The following WDR72 variants were observed in gnomAD, a reference collection of about 807,000 sequenced individuals.
WDR72 encodes the protein WD repeat domain 72, also known as WD repeat-containing protein 72.
In WDR72, 120 loss-of-function variants were observed where a neutral mutation model predicts 124.2. The observed-to-expected ratio is 0.97, with a 90% CI of 0.83 to 1.12. The LOEUF is 1.12. Ranked by LOEUF, WDR72 falls within the 50% of genes most tolerant of loss-of-function variation. WDR72 has a pLI of 0.00. For missense variants in WDR72, 1,387 were observed against 1,278.8 expected, an observed-to-expected ratio of 1.08 and a Z score of -1.29; for synonymous variants, 452 against 441.7, an observed-to-expected ratio of 1.02 and a Z score of -0.29.
chr15:53,748,196 A>G (rs1204905307), intron 1 of WDR72, among the ~76,000 whole-genome samples: 1 of 152,164 alleles, frequency 6.6e-6, no homozygotes, highest in African/African-American at 2.4e-5. Context: ...CTAAGTATTC[A>G]TGCTACTAGA....
At chr15:53,683,254 G>A (rs115661868) in intron 13 of WDR72, among the ~76,000 whole-genome samples, 24 of 152,050 alleles carry the variant, frequency 1.6e-4, no homozygotes, top group Admixed American at 1.0e-3. Flanking sequence ...CTTAGAAGGC[G>A]TAAGTTCTGA....
At chr15:53,619,165 A>G (rs1000235136) in intron 14 of WDR72, among the ~76,000 whole-genome samples, 2 of 151,846 alleles carry the variant, frequency 1.3e-5, no homozygotes, top group African/African-American at 4.8e-5. Context: ...CCTACTTATT[A>G]TACTTTGCAT....
At chr15:53,706,383 T>C (rs1008590462) in intron 9 of WDR72, among the ~76,000 whole-genome samples, 1 of 126,250 alleles carries the variant, frequency 7.9e-6, no homozygotes, top group Non-Finnish European at 1.7e-5. Flanking sequence ...TATATATATA[T>C]ATATATATAT....
intron 18 of WDR72, among the ~76,000 whole-genome samples, chr15:53,546,573 G>C (rs1204527688): frequency 6.6e-6 from 1 of 152,042 alleles, no homozygotes; most frequent in Non-Finnish European, 1.5e-5. Context: ...TAGATGACGA[G>C]TTAGTGGGTG....
At chr15:53,731,279 A>G (rs1442259654) in intron 2 of WDR72, among the ~76,000 whole-genome samples, 2 of 152,022 alleles carry the variant, frequency 1.3e-5, no homozygotes, top group African/African-American at 4.8e-5. Flanking sequence ...AGGTTAAGGC[A>G]ACAAACAGCT....
At chr15:53,609,046 G>A (rs1375687680) in intron 17 of WDR72, among the ~76,000 whole-genome samples, 1 of 151,978 alleles carries the variant, frequency 6.6e-6, no homozygotes, top group East Asian at 1.9e-4. Context: ...TGAGGTTATG[G>A]ATACCCCATT....
At chr15:53,751,184 G>A (rs2018764899) in intron 1 of WDR72, among the ~76,000 whole-genome samples, 1 of 151,834 alleles carries the variant, frequency 6.6e-6, no homozygotes, top group African/African-American at 2.4e-5. Context: ...AGAGGTGTGA[G>A]GATCACCTGA....
In WDR72 at chr15:53,514,452, G is replaced by A. The variant is rs1412808841; in HGVS notation, c.*3247C>T. 1.3e-5 allele frequency: 2 copies of A among 151,992 alleles called. No individual in the cohort carries two copies. Among genetic ancestry groups the A allele is most frequent in the Non-Finnish European group, 2.9e-5 (2 of 67,994 alleles). 9.4% of individuals were successfully genotyped at this position (151,992 alleles called of 1,614,324 possible). A position where few individuals can be genotyped will look rare whatever the true frequency, so the allele number is the denominator to read the frequency against. ...TATTATAATGTGCCCTCTAAGGATGGAAGAGAAATAGTATCTTTTCTAAAG... is the reference window on the plus strand; with the variant it reads ...TATTATAATGTGCCCTCTAAGGATGAAAGAGAAATAGTATCTTTTCTAAAG... On this transcript the variant is annotated 3_prime_UTR_variant, in exon 20 of 20. Coordinates refer to ENST00000360509, the MANE Select transcript of WDR72 (RefSeq NM_182758.4).
chr15:53,716,231 G>A (rs2017701713), intron 4 of WDR72, among the ~76,000 whole-genome samples: 1 of 152,086 alleles, frequency 6.6e-6, no homozygotes, highest in Non-Finnish European at 1.5e-5. Flanking sequence ...AAAACATAGG[G>A]TTTAAAATTG....
At chr15:53,600,455 T>C (rs2012994546) in intron 17 of WDR72, among the ~76,000 whole-genome samples, 1 of 152,176 alleles carries the variant, frequency 6.6e-6, no homozygotes, top group Non-Finnish European at 1.5e-5. Flanking sequence ...TATTCTTTTA[T>C]GAGGCAATGT....
chr15:53,728,115 G>A (rs963059849), intron 2 of WDR72, among the ~76,000 whole-genome samples: 21 of 152,178 alleles, frequency 1.4e-4, no homozygotes, highest in Non-Finnish European at 2.8e-4. Flanking sequence ...AAAGAAAGAA[G>A]TTTAATGGAC....
intron 1 of WDR72, among the ~76,000 whole-genome samples, chr15:53,733,784 CA>C (rs1337843896): frequency 4.6e-5 from 7 of 152,006 alleles, no homozygotes; most frequent in African/African-American, 1.5e-4. Flanking sequence ...ATGTTAGTTA[CA>C]AGGGTTAAAA....
intron 18 of WDR72, among the ~76,000 whole-genome samples, chr15:53,558,729 T>C (rs1018230155): frequency 1.3e-5 from 2 of 152,008 alleles, no homozygotes; most frequent in Non-Finnish European, 2.9e-5. Context: ...ATGTAGATGA[T>C]TTCTTGATTT....
chr15:53,673,746 T>A (rs1178766502), intron 13 of WDR72, among the ~76,000 whole-genome samples: 1 of 152,132 alleles, frequency 6.6e-6, no homozygotes, highest in African/African-American at 2.4e-5. Context: ...TCCCAGCACT[T>A]TGGGAGGCCG....
intron 1 of WDR72, among the ~76,000 whole-genome samples, chr15:53,751,226 T>G (rs1176740581): frequency 6.7e-6 from 1 of 150,256 alleles, no homozygotes; most frequent in African/African-American, 2.4e-5. Flanking sequence ...CTGGGCAACA[T>G]AGTGAGACTA....
At chr15:53,522,146 C>T (rs1167547460) in intron 19 of WDR72, among the ~76,000 whole-genome samples, 6 of 151,940 alleles carry the variant, frequency 3.9e-5, no homozygotes, top group Non-Finnish European at 7.4e-5. Flanking sequence ...ATTGGGGTTC[C>T]GAGATGACTT....
At chr15:53,629,823 A>G (rs1595805506) in intron 14 of WDR72, among the ~76,000 whole-genome samples, 1 of 152,096 alleles carries the variant, frequency 6.6e-6, no homozygotes, top group South Asian at 2.1e-4. Context: ...CCAGCAGCCT[A>G]CCAGCCACTG....
At chr15:53,572,529 G>C (rs1397875232) in intron 18 of WDR72, among the ~76,000 whole-genome samples, 1 of 152,158 alleles carries the variant, frequency 6.6e-6, no homozygotes, top group Non-Finnish European at 1.5e-5. Flanking sequence ...CTAGGCAAAA[G>C]TTTGTTAGAA....
At chr15:53,545,557 A>G (rs1404494148) in intron 18 of WDR72, among the ~76,000 whole-genome samples, 1 of 151,876 alleles carries the variant, frequency 6.6e-6, no homozygotes, top group Non-Finnish European at 1.5e-5. Flanking sequence ...AACCATAAAA[A>G]CCCTAGAAGC....
Sources: allele counts gnomAD v4.1 joint callset (sites outside exome capture counted in the v4.1 genomes callset), GRCh38; gene constraint gnomAD v4.1.1; transcripts MANE v1.5; gene names NCBI Gene and HGNC (gene_info 2026-07-23, HGNC 2026-07-21).